PLEKHH1: variants seen among roughly 807,000 people sequenced by gnomAD.
PLEKHH1 encodes pleckstrin homology domain-containing family H member 1.
A neutral mutation model predicts 160.0 loss-of-function variants in PLEKHH1; 104 were observed. That is an observed-to-expected ratio of 0.65 (90% confidence interval 0.55 to 0.76). PLEKHH1 has a LOEUF of 0.76. PLEKHH1 is among the 30% of genes least tolerant of loss of function. PLEKHH1 has a pLI of 0.00. For missense variants in PLEKHH1, 1,427 were observed against 1,724.1 expected, an observed-to-expected ratio of 0.83 and a Z score of 3.05; for synonymous variants, 619 against 678.4, an observed-to-expected ratio of 0.91 and a Z score of 1.36.
chr14:67,587,149 C>G lies in PLEKHH1; in HGVS notation c.4009C>G (p.Pro1337Ala). 2 of 1,614,028 alleles carry G rather than the reference C, an allele frequency of 1.2e-6. No individual in the cohort carries two copies. Among genetic ancestry groups the G allele is most frequent in the Non-Finnish European group, 1.7e-6 (2 of 1,179,892 alleles). The change falls in exon 29 of 29, where the codon CCC becomes GCC. Residue 1337 changes from proline (P) to alanine (A), a missense_variant. Physicochemically the swap from Pro to Ala is conservative, Grantham distance 27. Around this residue, in one of 6 missense-constraint regions of PLEKHH1, gnomAD observed 96 missense variants for 97.6 expected, o/e 0.98. Transcript: ENST00000329153. ...AACTGTGAACCCCCCCACCAACCCACCCGGAGCCTGCCAGCTGTGGGAACT... is the reference window on the plus strand; with the variant it reads ...AACTGTGAACCCCCCCACCAACCCAGCCGGAGCCTGCCAGCTGTGGGAACT... Reference protein sequence around the residue: ...TTTVNPPTNPPGACQLWELDG... With the variant: ...TTTVNPPTNPAGACQLWELDG...
intron 17 of PLEKHH1, among the ~76,000 whole-genome samples, 182 bp from the exon 18 acceptor site, chr14:67,577,120 G>A (rs1566757402): frequency 6.6e-6 from 1 of 152,126 alleles, no homozygotes. Context: ...CTTATATGAG[G>A]GTGCTCATTG....
Position 67,574,409 on chromosome 14 carries a change from G to C in PLEKHH1, c.2088+6G>C, listed in dbSNP as rs753955076. ...TGAAGGGCTGGCTGACCAAGGTAGA[G>C]GGTGGGGCTGATAGGGCAGGAACAT... On this transcript the variant is annotated splice_donor_region_variant and intron_variant, in intron 14 of 28. Transcript: ENST00000329153. The surrounding 1 kb of genome is among the most constrained non-coding windows in gnomAD (Gnocchi z 4.2). The C allele has an allele frequency of 2.0e-6, 3 of 1,529,082 alleles. No homozygotes were observed. Among genetic ancestry groups the C allele is most frequent in the East Asian group, 4.7e-5 (2 of 42,366 alleles). 94.7% of individuals were successfully genotyped at this position (1,529,082 alleles called of 1,614,324 possible). A position where few individuals can be genotyped will look rare whatever the true frequency, so the allele number is the denominator to read the frequency against.
chr14:67,559,976 A>G (rs891320002), intron 5 of PLEKHH1, among the ~76,000 whole-genome samples: 6 of 152,188 alleles, frequency 3.9e-5, no homozygotes, highest in Admixed American at 2.0e-4. Context: ...TCTTTCTAGG[A>G]AGCCCACACA....
At chr14:67,542,183 C>A (rs3729500) in intron 2 of PLEKHH1, among the ~76,000 whole-genome samples, 190 bp downstream of exon 2, 13,974 of 152,252 alleles carry the variant, frequency 0.092, 721 homozygotes, top group East Asian at 0.14. Context: ...TTGCTTGCGT[C>A]TTTGCTCGCT....
Position 67,588,931 on chromosome 14 carries a change from T to C in PLEKHH1, c.*1696T>C, listed in dbSNP as rs1004504013. 1 of 152,642 alleles carries C rather than the reference T, an allele frequency of 6.6e-6. No homozygotes were observed. Among genetic ancestry groups the C allele is most frequent in the Non-Finnish European group, 1.5e-5 (1 of 68,038 alleles). The allele number at this position is 152,642 out of a possible 1,614,324, so 9.5% of individuals were successfully genotyped here. ...TCTGCCTCTTTTAAATGTACTTGAC[T>C]TTGCAAGGCAAGTAGTTTTACAGCC... On this transcript the variant is annotated 3_prime_UTR_variant, in exon 29 of 29. Transcript: ENST00000329153.
chr14:67,571,402 G>A (rs891637033), intron 9 of PLEKHH1: 8 of 217,408 alleles, frequency 3.7e-5, no homozygotes, highest in Middle Eastern at 1.8e-3. Context: ...TGATTGTTGC[G>A]ACGTCCCCAC....
chr14:67,541,588 C>CGTAAG (rs2033964050), intron 1 of PLEKHH1, among the ~76,000 whole-genome samples: 1 of 152,174 alleles, frequency 6.6e-6, no homozygotes, highest in Admixed American at 6.5e-5. Context: ...ACTAGGTTCT[C>CGTAAG]CTTAAGGTTT....
At position 67,553,662 on chromosome 14, in the gene PLEKHH1, C is replaced by A. The variant is rs79276236; in HGVS notation, c.127-2163C>A. ...CCACTATGTATCAACCAACCCCCCA[C>A]CACCAAGGAGAATTCCTTTTGCACT... is the stretch of plus-strand genomic sequence containing the variant. On this transcript the variant is annotated intron_variant, in intron 2 of 28. Coordinates refer to ENST00000329153, the MANE Select transcript of PLEKHH1 (RefSeq NM_020715.3). Among the ~76,000 whole-genome samples the A allele has an allele frequency of 2.6e-5, 4 of 152,332 alleles. No homozygotes were observed. In the East Asian group the frequency reaches 7.7e-4, roughly 29 times the overall value.
rs775908569 is a variant in PLEKHH1 at position 67,559,638 on chromosome 14, G to C, written c.370G>C (p.Val124Leu). The change falls in exon 5 of 29, where the codon GTT becomes CTT. Residue 124 changes from valine (V) to leucine (L), a missense_variant. Physicochemically the swap from Val to Leu is conservative, Grantham distance 32. Around this residue, in one of 6 missense-constraint regions of PLEKHH1, gnomAD observed 831 missense variants for 929.2 expected, o/e 0.89. Transcript: ENST00000329153. ...KQMRAEEAKT[V>L]QEKAAKIKEW... Reference sequence around the variant, plus strand: ...GATGAGGGCAGAGGAAGCAAAAACTGTTCAAGAAAAAGCTGCAAAGATCAA... The same window carrying C: ...GATGAGGGCAGAGGAAGCAAAAACTCTTCAAGAAAAAGCTGCAAAGATCAA... 1 of 1,604,820 alleles carries C rather than the reference G, an allele frequency of 6.2e-7. No homozygotes were observed. Among genetic ancestry groups the C allele is most frequent in the Non-Finnish European group, 8.5e-7 (1 of 1,175,800 alleles).
chr14:67,543,630 A>G (rs1316263163), intron 2 of PLEKHH1, among the ~76,000 whole-genome samples: 1 of 152,124 alleles, frequency 6.6e-6, no homozygotes, highest in Non-Finnish European at 1.5e-5. Context: ...TCTGTACACT[A>G]TGAAGTTTGA....
At chr14:67,557,220 A>G in intron 3 of PLEKHH1, 49 bp from the exon 4 acceptor site, 3 of 1,559,372 alleles carry the variant, frequency 1.9e-6, no homozygotes, top group Non-Finnish European at 2.6e-6. Context: ...GCCACTGCAC[A>G]CCCCGTGTGA....
At position 67,576,480 on chromosome 14, in the gene PLEKHH1, TGATG is replaced by T. The variant is rs890823084; in HGVS notation, c.2444_2447del (p.Asp815ValfsTer87). 1.9e-6 allele frequency: 3 copies of T among 1,588,790 alleles called. No homozygotes were observed. Among genetic ancestry groups the T allele is most frequent in the Non-Finnish European group, 2.6e-6 (3 of 1,156,988 alleles). ...GCCTATGAGCAGCTCATTGGAAAAC[TGATG>T]GATGGTGAAGGAGATCCAGGTAAGG... On this transcript the variant is annotated frameshift_variant, in exon 17 of 29. Transcript: ENST00000329153. LOFTEE classifies it high-confidence loss of function. The surrounding 1 kb of genome is among the most constrained non-coding windows in gnomAD (Gnocchi z 4.0).
At chr14:67,572,096 G>T (rs1460126955) in intron 10 of PLEKHH1, 39 bp from the exon 11 acceptor site, 1 of 1,586,136 alleles carries the variant, frequency 6.3e-7, no homozygotes, top group East Asian at 2.3e-5. Flanking sequence ...AGTCGGGGAG[G>T]TGTGGGACCC....
At chr14:67,540,015 C>G (rs574578991) in intron 1 of PLEKHH1, among the ~76,000 whole-genome samples, 1 of 152,302 alleles carries the variant, frequency 6.6e-6, no homozygotes, top group African/African-American at 2.4e-5. Context: ...TAACTTTGCA[C>G]TGTGGTAGTA....
intron 2 of PLEKHH1, among the ~76,000 whole-genome samples, chr14:67,549,151 T>C (rs1052037713): frequency 6.6e-6 from 1 of 152,192 alleles, no homozygotes; most frequent in Non-Finnish European, 1.5e-5. Flanking sequence ...AAAATCATCA[T>C]GGAATGGGTC....
rs1219916510 is a variant in PLEKHH1 at position 67,588,786 on chromosome 14, T to C, written c.*1551T>C. ...TTAACCCCAACAATGTGTGTATCTTTTGCACAGCAAAAACTGCGAGGCCAG... is the reference window on the plus strand; with the variant it reads ...TTAACCCCAACAATGTGTGTATCTTCTGCACAGCAAAAACTGCGAGGCCAG... On this transcript the variant is annotated 3_prime_UTR_variant, in exon 29 of 29. Transcript: ENST00000329153. The C allele has an allele frequency of 6.6e-6, 1 of 152,638 alleles. No individual in the cohort carries two copies. 9.5% of individuals were successfully genotyped at this position (152,638 alleles called of 1,614,324 possible). A position where few individuals can be genotyped will look rare whatever the true frequency, so the allele number is the denominator to read the frequency against.
chr14:67,571,737 G>A lies in PLEKHH1; in HGVS notation c.1435-15G>A, dbSNP rs747341111. Reference sequence around the variant, plus strand: ...TGCAGCCTGAGCTGCAGTGAGGGAGGGGCCTGTCTTGCAGAGAGCTACACA... The same window carrying A: ...TGCAGCCTGAGCTGCAGTGAGGGAGAGGCCTGTCTTGCAGAGAGCTACACA... On this transcript the variant is annotated splice_polypyrimidine_tract_variant and intron_variant, in intron 9 of 28. Transcript: ENST00000329153. The A allele has an allele frequency of 1.9e-6, 3 of 1,606,174 alleles. No individual in the cohort carries two copies. Among genetic ancestry groups the A allele is most frequent in the Middle Eastern group, 1.7e-4 (1 of 6,044 alleles).
chr14:67,546,466 T>C (rs1295763471), intron 2 of PLEKHH1, among the ~76,000 whole-genome samples: 2 of 152,120 alleles, frequency 1.3e-5, no homozygotes, highest in African/African-American at 4.8e-5. Context: ...CAGTGGCCCA[T>C]TGCAACCTCC....
chr14:67,555,903 G>C lies in PLEKHH1; in HGVS notation c.189+16G>C, dbSNP rs1169386111. 3 of 1,612,012 alleles carry C rather than the reference G, an allele frequency of 1.9e-6. No individual in the cohort carries two copies. Among genetic ancestry groups the C allele is most frequent in the Admixed American group, 3.3e-5 (2 of 59,832 alleles). Reference sequence around the variant, plus strand: ...TGAGACCCAGGTAACCAGGGGAGGGGATCGGCGGGAATATGCAGGGGAATG... The same window carrying C: ...TGAGACCCAGGTAACCAGGGGAGGGCATCGGCGGGAATATGCAGGGGAATG... On this transcript the variant is annotated intron_variant, in intron 3 of 28. Transcript: ENST00000329153.
Sources: gnomAD v4.1 joint callset for allele counts (sites outside exome capture counted in the v4.1 genomes callset) on GRCh38, gnomAD v4.1.1 for gene constraint, gnomAD v4.1.1 regional missense constraint, Gnocchi (gnomAD v3.1) non-coding constraint, MANE v1.5 for transcripts, NCBI Gene and HGNC (gene_info 2026-07-23, HGNC 2026-07-21) for gene names.